Variants in SHCBP1L observed in about 807,000 individuals in gnomAD.
SHCBP1L encodes SHC binding and spindle associated 1 like.
Under a neutral mutation model 62.5 loss-of-function variants are expected in SHCBP1L, and 67 were observed. The observed-to-expected ratio is 1.07, with a 90% CI of 0.88 to 1.31. The LOEUF (loss-of-function observed/expected upper bound fraction) is 1.31. SHCBP1L is among the 40% of genes most tolerant of loss of function. SHCBP1L has a pLI of 0.00. For synonymous variants in SHCBP1L, 284 were observed against 289.4 expected, an observed-to-expected ratio of 0.98 and a Z score of 0.19; for missense variants, 823 against 809.8, an observed-to-expected ratio of 1.02 and a Z score of -0.20.
intron 6 of SHCBP1L, among the ~76,000 whole-genome samples, chr1:182,925,871 A>C (rs1406698766): frequency 6.6e-6 from 1 of 152,244 alleles, no homozygotes; most frequent in Non-Finnish European, 1.5e-5. Flanking sequence ...GATATTATTC[A>C]GCCAGAAAAA....
intron 2 of SHCBP1L, among the ~76,000 whole-genome samples, chr1:182,951,011 G>A (rs891579574): frequency 6.6e-6 from 1 of 151,916 alleles, no homozygotes; most frequent in African/African-American, 2.4e-5. Context: ...GAAAAAGAAG[G>A]CCCAAGTTTG....
chr1:182,900,397 A>G (rs1025429675), intron 9 of SHCBP1L, among the ~76,000 whole-genome samples, 163 bp from the exon 10 acceptor site: 1 of 152,198 alleles, frequency 6.6e-6, no homozygotes. Flanking sequence ...TTTTCATGAC[A>G]CCAACTAACG....
At chr1:182,944,693 G>T (rs1176798101) in intron 2 of SHCBP1L, among the ~76,000 whole-genome samples, 3 of 151,894 alleles carry the variant, frequency 2.0e-5, no homozygotes, top group Non-Finnish European at 4.4e-5. Context: ...ATTGGATATT[G>T]ACTTCCAACT....
Position 182,952,738 on chromosome 1 carries a change from C to G in SHCBP1L, c.396G>C (p.Gln132His), listed in dbSNP as rs1325876958. The G allele has an allele frequency of 6.2e-7, 1 of 1,609,350 alleles. No homozygotes were observed. Among genetic ancestry groups the G allele is most frequent in the South Asian group, 1.1e-5 (1 of 90,414 alleles). The change falls in exon 1 of 10, where the codon CAG becomes CAC. Residue 132 changes from glutamine (Q) to histidine (H), a missense_variant. Coordinates refer to ENST00000367547, the MANE Select transcript of SHCBP1L (RefSeq NM_030933.4). The stretch of plus-strand genomic sequence containing the variant: ...TCCCGGATCCGCTCACCTTACAGTC[C>G]TGCAGCACTTCGTCGCAATACAGCG... ...KVSLYCDEVLQDCKAEDADEV... is the reference protein window; with the variant it reads ...KVSLYCDEVLHDCKAEDADEV...
At chr1:182,923,700 A>G (rs1038562800) in intron 6 of SHCBP1L, among the ~76,000 whole-genome samples, 2 of 152,192 alleles carry the variant, frequency 1.3e-5, no homozygotes, top group African/African-American at 4.8e-5. Flanking sequence ...ATTCATCTTA[A>G]AAACTCTCAA....
chr1:182,900,100 T>C lies in SHCBP1L; in HGVS notation c.1845A>G (p.Ser615=), dbSNP rs1393599788. ...AEEALNKRAS[S]GDKKDDKMLF... is the part of the protein sequence containing the mutation. Reference sequence around the variant, plus strand: ...GCATTTTATCATCTTTTTTATCTCCTGAAGAAGCCCTTTTGTTGAGAGCTT... The same window carrying C: ...GCATTTTATCATCTTTTTTATCTCCCGAAGAAGCCCTTTTGTTGAGAGCTT... Residue 615 remains serine, a synonymous_variant, in exon 10 of 10, where the codon TCA becomes TCG. Transcript: ENST00000367547. 1 of 1,612,536 alleles carries C rather than the reference T, an allele frequency of 6.2e-7. No individual in the cohort carries two copies. The highest frequency in any genetic ancestry group is 8.5e-7 in the Non-Finnish European group (1 of 1,179,196).
chr1:182,945,818 G>C (rs1394880397), intron 2 of SHCBP1L, among the ~76,000 whole-genome samples: 1 of 152,128 alleles, frequency 6.6e-6, no homozygotes, highest in Non-Finnish European at 1.5e-5. Flanking sequence ...CCAGCACTTT[G>C]GGAGGCCGAG....
chr1:182,903,597 G>T (rs1170102694), intron 8 of SHCBP1L, among the ~76,000 whole-genome samples: 3 of 151,912 alleles, frequency 2.0e-5, no homozygotes, highest in African/African-American at 7.2e-5. Context: ...TTCTCATTCA[G>T]TTCTCCAGTC....
At chr1:182,907,543 T>C (rs1364469676) in intron 6 of SHCBP1L, among the ~76,000 whole-genome samples, 1 of 151,132 alleles carries the variant, frequency 6.6e-6, no homozygotes, top group East Asian at 1.9e-4. Flanking sequence ...GGCATTATCA[T>C]GCATATATCT....
At chr1:182,942,625 T>C (rs1204500506) in intron 2 of SHCBP1L, among the ~76,000 whole-genome samples, 1 of 152,238 alleles carries the variant, frequency 6.6e-6, no homozygotes, top group Non-Finnish European at 1.5e-5. Flanking sequence ...TGCACTTGTC[T>C]GAAAATCAGT....
In SHCBP1L at chr1:182,953,127, A is replaced by C. The variant is rs1019424234; in HGVS notation, c.7T>G (p.Ser3Ala). 1.3e-6 allele frequency: 2 copies of C among 1,580,536 alleles called. No individual in the cohort carries two copies. The highest frequency in any genetic ancestry group is 1.7e-6 in the Non-Finnish European group (2 of 1,171,684). Residue 3 changes from serine (S) to alanine (A), a missense_variant, in exon 1 of 10, where the codon TCG becomes GCG. Physicochemically the swap from Ser to Ala is moderately conservative, Grantham distance 99. Transcript: ENST00000367547. MA[S>A]GSKASVPADS... ...GCGGGCACCGAGGCCTTGGAGCCCGACGCCATCTCCTCAGCAGCCCGAGGG... is the reference window on the plus strand; with the variant it reads ...GCGGGCACCGAGGCCTTGGAGCCCGCCGCCATCTCCTCAGCAGCCCGAGGG...
At chr1:182,924,979 A>AAGAAAG (rs1650691483) in intron 6 of SHCBP1L, among the ~76,000 whole-genome samples, 1 of 145,084 alleles carries the variant, frequency 6.9e-6, no homozygotes, top group African/African-American at 2.7e-5. Flanking sequence ...AGAAAGAAAA[A>AAGAAAG]AAAAGGAAGA....
intron 1 of SHCBP1L, 135 bp downstream of exon 1, chr1:182,952,594 C>T: frequency 9.8e-7 from 1 of 1,024,804 alleles, no homozygotes; most frequent in Non-Finnish European, 1.4e-6. Flanking sequence ...CATGTTGACT[C>T]CATTTACTTT....
chr1:182,918,357 A>G (rs527687751), intron 6 of SHCBP1L, among the ~76,000 whole-genome samples: 3 of 151,768 alleles, frequency 2.0e-5, no homozygotes, highest in African/African-American at 4.8e-5. Flanking sequence ...TTGTTTTTAT[A>G]TATCACTAAT....
chr1:182,931,768 A>G (rs1651003472), intron 5 of SHCBP1L, among the ~76,000 whole-genome samples: 1 of 152,022 alleles, frequency 6.6e-6, no homozygotes, highest in Non-Finnish European at 1.5e-5. Flanking sequence ...TTGACACATC[A>G]TTATCACCCA....
intron 2 of SHCBP1L, chr1:182,942,130 T>C (rs1296960745): frequency 3.4e-5 from 30 of 886,724 alleles, no homozygotes; most frequent in Non-Finnish European, 5.2e-5. Context: ...CTTTCTCTCC[T>C]GCTTCATCAG....
At chr1:182,911,901 T>C (rs1205908788) in intron 6 of SHCBP1L, among the ~76,000 whole-genome samples, 1 of 152,224 alleles carries the variant, frequency 6.6e-6, no homozygotes, top group African/African-American at 2.4e-5. Flanking sequence ...TATTAGGAAG[T>C]GTCAGAAGAA....
At chr1:182,907,825 CG>C (rs1557990323) in intron 6 of SHCBP1L, among the ~76,000 whole-genome samples, 2 of 152,036 alleles carry the variant, frequency 1.3e-5, no homozygotes. Context: ...GTGATCCACC[CG>C]CCTTGGTCTC....
intron 6 of SHCBP1L, among the ~76,000 whole-genome samples, chr1:182,924,974 G>GAAAGAAAGAA (rs1344712194): frequency 1.6e-4 from 17 of 109,508 alleles, no homozygotes; most frequent in African/African-American, 4.6e-4. Context: ...AAGAAAGAAA[G>GAAAGAAAGAA]AAAAAAAAAG....
Sources: gnomAD v4.1 joint callset for allele counts (sites outside exome capture counted in the v4.1 genomes callset) on GRCh38, gnomAD v4.1.1 for gene constraint, MANE v1.5 for transcripts, NCBI Gene and HGNC (gene_info 2026-07-23, HGNC 2026-07-21) for gene names.